Variants in RGS5 observed in about 807,000 individuals in gnomAD.
The protein encoded by RGS5 is regulator of G protein signaling 5, also known as regulator of G-protein signalling 5.
In RGS5, 20 loss-of-function variants were observed where a neutral mutation model predicts 18.9. The ratio of observed to expected loss-of-function variants is 1.06; its 90% CI spans 0.74 to 1.54. The LOEUF (loss-of-function observed/expected upper bound fraction) is 1.54, where lower values mean the gene tolerates loss of function less well. Among genes scored for constraint, RGS5 ranks in the 40% most tolerant of loss-of-function variants. The pLI is 0.00. For synonymous variants in RGS5, 57 were observed against 76.2 expected (o/e 0.75, Z 1.31); for missense variants, 201 against 211.8 (o/e 0.95, Z 0.32).
At chr1:163,164,353 C>T (rs1023095216) in intron 2 of RGS5, among the ~76,000 whole-genome samples, 1 of 152,234 alleles carries the variant, frequency 6.6e-6, no homozygotes, top group East Asian at 1.9e-4. Context: ...AGAGAGAAAG[C>T]TATTTCAAAT....
intron 2 of RGS5, among the ~76,000 whole-genome samples, chr1:163,283,411 T>C (rs1004457231): frequency 6.6e-6 from 1 of 152,178 alleles, no homozygotes; most frequent in Admixed American, 6.6e-5. Flanking sequence ...AGCCCATGAC[T>C]ATGTACAATT....
intron 1 of RGS5, among the ~76,000 whole-genome samples, chr1:163,184,473 C>G (rs1658988185): frequency 6.6e-6 from 1 of 150,860 alleles, no homozygotes. Context: ...GAAGAGTTAG[C>G]AAGGCATAGA....
intron 1 of RGS5, among the ~76,000 whole-genome samples, chr1:163,171,386 T>C (rs541158363): frequency 2.8e-4 from 43 of 152,252 alleles, no homozygotes; most frequent in African/African-American, 1.0e-3. Context: ...CCTGGCTCCA[T>C]AGGTCCCTCC....
chr1:163,205,241 T>C (rs1659917384), upstream of RGS5, among the ~76,000 whole-genome samples: 1 of 151,402 alleles, frequency 6.6e-6, no homozygotes, highest in South Asian at 2.1e-4. Context: ...GAAAAATTTC[T>C]AGGGATCTGC....
intron 1 of RGS5, among the ~76,000 whole-genome samples, chr1:163,201,193 T>A (rs1185568163): frequency 1.3e-5 from 2 of 152,108 alleles, no homozygotes; most frequent in African/African-American, 4.8e-5. Context: ...AAAGCATCCA[T>A]TAAAGTCAAG....
At chr1:163,272,037 C>CCT (rs1333900039) in intron 2 of RGS5, among the ~76,000 whole-genome samples, 1 of 150,834 alleles carries the variant, frequency 6.6e-6, no homozygotes, top group Non-Finnish European at 1.5e-5. Context: ...TCTCTGTCTC[C>CCT]CTCTCTCTCT....
intron 1 of RGS5, among the ~76,000 whole-genome samples, chr1:163,171,155 A>G (rs905578525): frequency 1.3e-5 from 2 of 152,218 alleles, no homozygotes; most frequent in Non-Finnish European, 2.9e-5. Context: ...AGGAATTACT[A>G]CACCCACAAC....
intron 2 of RGS5, among the ~76,000 whole-genome samples, chr1:163,255,340 G>A (rs187988663): frequency 8.5e-5 from 13 of 152,222 alleles, no homozygotes; most frequent in Non-Finnish European, 1.9e-4. Flanking sequence ...GTGGTTTGCA[G>A]TTCTCCTTGA....
Position 163,163,489 on chromosome 1 carries a change from A to AG in RGS5, c.156-1514_156-1513insC, listed in dbSNP as rs545995577. Among the ~76,000 whole-genome samples, 10 of 151,676 alleles carry AG rather than the reference A, an allele frequency of 6.6e-5. No homozygotes were observed. The South Asian group carries it at 2.1e-3, about 32-fold the overall frequency. On this transcript the variant is annotated intron_variant, in intron 2 of 4. Transcript: ENST00000313961. ...AGTATAAAGGAGCACACAAAGAAAA[A>AG]AAAATGGCATGAACGGGGTGATTAT...
intron 1 of RGS5, among the ~76,000 whole-genome samples, chr1:163,208,198 A>C (rs1659993772): frequency 6.6e-6 from 1 of 151,632 alleles, no homozygotes; most frequent in Non-Finnish European, 1.5e-5. Context: ...AATACAAAAA[A>C]TTAGCCGGGC....
chr1:163,192,723 T>C (rs1356397668), intron 1 of RGS5, among the ~76,000 whole-genome samples: 2 of 152,298 alleles, frequency 1.3e-5, no homozygotes, highest in East Asian at 3.9e-4. Context: ...ACTTCGGTGA[T>C]TCAGAAGCAA....
At chr1:163,194,896 G>A (rs1395878375) in intron 1 of RGS5, among the ~76,000 whole-genome samples, 1 of 152,038 alleles carries the variant, frequency 6.6e-6, no homozygotes, top group Non-Finnish European at 1.5e-5. Context: ...GATATGTTTT[G>A]TAAGAAGAAA....
At chr1:163,222,993 C>T (rs959206455) in intron 2 of RGS5, among the ~76,000 whole-genome samples, 1 of 152,068 alleles carries the variant, frequency 6.6e-6, no homozygotes, top group East Asian at 1.9e-4. Flanking sequence ...TACAGACGTG[C>T]ACCACCACAT....
At chr1:163,272,260 G>C (rs1310769617) in intron 2 of RGS5, among the ~76,000 whole-genome samples, 1 of 151,818 alleles carries the variant, frequency 6.6e-6, no homozygotes, top group Non-Finnish European at 1.5e-5. Context: ...GTTTTAGATT[G>C]TTTACCTTCT....
exon 1 of RGS5, chr1:163,321,733 G>A (rs1038982713): frequency 3.3e-5 from 5 of 152,196 alleles, no homozygotes; most frequent in African/African-American, 1.2e-4. Context: ...GTCACGCAGA[G>A]ATGGGCTAGA....
chr1:163,258,928 C>T (rs562670342), intron 2 of RGS5, among the ~76,000 whole-genome samples: 7 of 152,110 alleles, frequency 4.6e-5, no homozygotes, highest in African/African-American at 1.7e-4. Context: ...CCTCCCATGT[C>T]GGCTTCCCAA....
chr1:163,168,955 G>A (rs1396175205), intron 1 of RGS5, among the ~76,000 whole-genome samples: 1 of 151,840 alleles, frequency 6.6e-6, no homozygotes, highest in East Asian at 1.9e-4. Context: ...TTGGTGTGCT[G>A]CACCCATCAA....
chr1:163,319,707 G>A (rs1234105525), intron 1 of RGS5, among the ~76,000 whole-genome samples: 2 of 152,204 alleles, frequency 1.3e-5, no homozygotes, highest in Non-Finnish European at 2.9e-5. Flanking sequence ...AGTCTAGGCT[G>A]TGAAGGGAGG....
At chr1:163,226,725 A>C (rs535747111) in intron 2 of RGS5, among the ~76,000 whole-genome samples, 1 of 152,304 alleles carries the variant, frequency 6.6e-6, no homozygotes, top group South Asian at 2.1e-4. Flanking sequence ...ATGATTACAA[A>C]TAGGGCTAAG....
Sources: gnomAD v4.1 joint callset for allele counts (sites outside exome capture counted in the v4.1 genomes callset) on GRCh38, gnomAD v4.1.1 for gene constraint, MANE v1.5 for transcripts, NCBI Gene and HGNC (gene_info 2026-07-23, HGNC 2026-07-21) for gene names.